NIPAL2: variants seen among roughly 807,000 people sequenced by gnomAD.
NIPAL2 encodes NIPA like domain containing 2.
In NIPAL2, 43 loss-of-function variants were observed where a neutral mutation model predicts 48.9. That is an observed-to-expected ratio of 0.88 (90% CI 0.69 to 1.13). The LOEUF (loss-of-function observed/expected upper bound fraction) is 1.13. Ranked by LOEUF, NIPAL2 falls within the 50% of genes most tolerant of loss-of-function variation. The probability of loss-of-function intolerance (pLI) is 0.00; values close to 1 mark genes in which losing one functional copy is unlikely to be tolerated. For synonymous variants in NIPAL2, 167 were observed against 174.6 expected (o/e 0.96, Z 0.34); for missense variants, 446 against 461.4 (o/e 0.97, Z 0.31).
intron 3 of NIPAL2, chr8:98,252,181 C>T: frequency 3.2e-6 from 1 of 309,124 alleles, no homozygotes; most frequent in Non-Finnish European, 5.9e-6. Context: ...TTAATGATTA[C>T]AAGCACAGTA....
intron 1 of NIPAL2, among the ~76,000 whole-genome samples, chr8:98,268,492 A>T (rs1407565037): frequency 6.6e-6 from 1 of 151,982 alleles, no homozygotes; most frequent in Non-Finnish European, 1.5e-5. Context: ...ATGGTGGTGC[A>T]TGTCTTTAAT....
At chr8:98,228,339 G>C (rs2130771829) in intron 4 of NIPAL2, among the ~76,000 whole-genome samples, 1 of 152,302 alleles carries the variant, frequency 6.6e-6, no homozygotes, top group South Asian at 2.1e-4. Flanking sequence ...GGTCATGTAA[G>C]ATCCAAAAGG....
At chr8:98,265,532 T>C (rs1308187087) in intron 1 of NIPAL2, among the ~76,000 whole-genome samples, 1 of 122,180 alleles carries the variant, frequency 8.2e-6, no homozygotes, top group Non-Finnish European at 1.7e-5. Flanking sequence ...CATGAAAAAA[T>C]GCTCATCATC....
chr8:98,194,840 A>C lies in NIPAL2; in HGVS notation c.945-18T>G. 1 of 1,437,260 alleles carries C rather than the reference A, an allele frequency of 7.0e-7. No individual in the cohort carries two copies. Among genetic ancestry groups the C allele is most frequent in the Non-Finnish European group, 9.4e-7 (1 of 1,062,614 alleles). The allele number at this position is 1,437,260 out of a possible 1,614,324, so 89.0% of individuals were successfully genotyped here. A position where few individuals can be genotyped will look rare whatever the true frequency, so the allele number is the denominator to read the frequency against. ...GAAAACACCTGTAAGGATAATATTA[A>C]TAAAGAATACAAGAACACTGAAACA... On this transcript the variant is annotated intron_variant, in intron 9 of 10. Transcript: ENST00000430223.
chr8:98,270,496 T>G (rs1005755182), intron 1 of NIPAL2, among the ~76,000 whole-genome samples: 13 of 152,206 alleles, frequency 8.5e-5, no homozygotes, highest in African/African-American at 3.1e-4. Flanking sequence ...GAAGTGTCTG[T>G]TATATTCTTT....
chr8:98,243,016 A>G (rs969142799), intron 3 of NIPAL2, among the ~76,000 whole-genome samples: 35 of 152,238 alleles, frequency 2.3e-4, no homozygotes, highest in Non-Finnish European at 4.6e-4. Context: ...TGTAGGAGTC[A>G]TGGGGGGCAG....
intron 3 of NIPAL2, among the ~76,000 whole-genome samples, chr8:98,246,347 G>C (rs1219996437): frequency 6.6e-6 from 1 of 152,070 alleles, no homozygotes; most frequent in Non-Finnish European, 1.5e-5. Flanking sequence ...CCAGCATATT[G>C]GGGAAAATTA....
At chr8:98,229,466 G>A (rs754672671) in intron 4 of NIPAL2, among the ~76,000 whole-genome samples, 9 of 152,118 alleles carry the variant, frequency 5.9e-5, no homozygotes, top group Non-Finnish European at 1.3e-4. Flanking sequence ...TCGAATTCCT[G>A]GGCTCAAGTG....
intron 3 of NIPAL2, among the ~76,000 whole-genome samples, chr8:98,237,221 AT>A (rs375784909): frequency 1.3e-5 from 2 of 151,468 alleles, no homozygotes; most frequent in East Asian, 3.9e-4. Context: ...CTAATTAAAA[AT>A]TTTTTTATTT....
chr8:98,237,840 C>T (rs1454199459), intron 3 of NIPAL2, among the ~76,000 whole-genome samples: 1 of 152,188 alleles, frequency 6.6e-6, no homozygotes, highest in Non-Finnish European at 1.5e-5. Context: ...CTCTGATTAC[C>T]CCTGTGTATA....
At chr8:98,228,662 C>T (rs909069033) in intron 4 of NIPAL2, among the ~76,000 whole-genome samples, 1 of 152,098 alleles carries the variant, frequency 6.6e-6, no homozygotes, top group Non-Finnish European at 1.5e-5. Context: ...ATAGATCCAT[C>T]TCAGGATGCA....
At chr8:98,245,256 C>G (rs541373708) in intron 3 of NIPAL2, among the ~76,000 whole-genome samples, 1 of 152,304 alleles carries the variant, frequency 6.6e-6, no homozygotes, top group African/African-American at 2.4e-5. Flanking sequence ...AGAGTCAACT[C>G]TAACCATATT....
At chr8:98,289,544 T>G (rs1460225118) in intron 1 of NIPAL2, among the ~76,000 whole-genome samples, 1 of 151,754 alleles carries the variant, frequency 6.6e-6, no homozygotes, top group Non-Finnish European at 1.5e-5. Flanking sequence ...AGGGACAGCA[T>G]CGTTCTATGT....
rs937346200 is a variant in NIPAL2 at position 98,252,705 on chromosome 8, G to T, written c.205-71C>A. ...AGGGGAATGCCACTTTTTTTCTTTT[G>T]TATTCCTTTAATTCTTTTTATAAGA... On this transcript the variant is annotated intron_variant, in intron 2 of 10. Transcript: ENST00000430223. The T allele has an allele frequency of 1.3e-5, 17 of 1,316,180 alleles. No individual in the cohort carries two copies. In the African/African-American group the frequency reaches 1.4e-4, roughly 11 times the overall value. The allele number at this position is 1,316,180 out of a possible 1,614,324, so 81.5% of individuals were successfully genotyped here. A position where few individuals can be genotyped will look rare whatever the true frequency, so the allele number is the denominator to read the frequency against.
chr8:98,234,037 T>C (rs78532049), intron 4 of NIPAL2, among the ~76,000 whole-genome samples: 2,662 of 152,304 alleles, frequency 0.017, 92 homozygotes, highest in African/African-American at 0.06. Flanking sequence ...GGAGACATTT[T>C]GGAATGTTTG....
chr8:98,225,126 T>C (rs1237525856), intron 4 of NIPAL2, among the ~76,000 whole-genome samples: 4 of 152,256 alleles, frequency 2.6e-5, no homozygotes, highest in Non-Finnish European at 5.9e-5. Context: ...GTGCATCTGC[T>C]ACGTAACTAT....
At chr8:98,277,320 G>A (rs143216789) in intron 1 of NIPAL2, among the ~76,000 whole-genome samples, 279 of 152,202 alleles carry the variant, frequency 1.8e-3, no homozygotes, top group Non-Finnish European at 3.2e-3. Flanking sequence ...CTTGAGGTCA[G>A]GAGTTCCAGA....
chr8:98,241,698 T>C (rs2130802834), intron 3 of NIPAL2, among the ~76,000 whole-genome samples: 1 of 152,388 alleles, frequency 6.6e-6, no homozygotes, highest in South Asian at 2.1e-4. Flanking sequence ...ACAGTGATAT[T>C]GATAATTTTA....
At chr8:98,226,649 C>T (rs1440166867) in intron 4 of NIPAL2, among the ~76,000 whole-genome samples, 9 of 152,006 alleles carry the variant, frequency 5.9e-5, no homozygotes, top group South Asian at 2.1e-4. Context: ...GAGTTGGGGG[C>T]GAGGGGTGGA....
Sources: allele counts gnomAD v4.1 joint callset (sites outside exome capture counted in the v4.1 genomes callset), GRCh38; gene constraint gnomAD v4.1.1; transcripts MANE v1.5; gene names NCBI Gene and HGNC (gene_info 2026-07-23, HGNC 2026-07-21).